The following ANXA10 variants were observed in gnomAD, a reference collection of about 807,000 sequenced individuals.
The protein encoded by ANXA10 is annexin 14.
ANXA10 carries 49 observed loss-of-function variants against 53.5 expected under a neutral mutation model. The ratio of observed to expected loss-of-function variants is 0.92; its 90% confidence interval spans 0.73 to 1.16. ANXA10 has a LOEUF of 1.16. Ranked by LOEUF, ANXA10 falls within the 50% of genes most tolerant of loss-of-function variation. ANXA10 has a pLI of 0.00. For missense variants in ANXA10, 393 were observed against 394.4 expected, an observed-to-expected ratio of 1.00 and a Z score of 0.03; for synonymous variants, 131 against 128.9, an observed-to-expected ratio of 1.02 and a Z score of -0.11.
At chr4:168,179,727 C>T (rs1732204033) in intron 9 of ANXA10, among the ~76,000 whole-genome samples, 1 of 152,132 alleles carries the variant, frequency 6.6e-6, no homozygotes, top group African/African-American at 2.4e-5. Context: ...GTGACCATTA[C>T]TAATAAATTT....
intron 3 of ANXA10, among the ~76,000 whole-genome samples, chr4:168,153,213 A>G (rs1393111586): frequency 6.6e-6 from 1 of 152,074 alleles, no homozygotes; most frequent in Non-Finnish European, 1.5e-5. Flanking sequence ...GTAACAGTTC[A>G]TCAGTTTCTA....
At chr4:168,107,606 G>T (rs1730738310) in intron 1 of ANXA10, among the ~76,000 whole-genome samples, 1 of 152,074 alleles carries the variant, frequency 6.6e-6, no homozygotes, top group South Asian at 2.1e-4. Flanking sequence ...AGACTGGGTG[G>T]CTGAAATAAC....
chr4:168,119,990 T>G (rs539708072), intron 1 of ANXA10, among the ~76,000 whole-genome samples: 1 of 152,200 alleles, frequency 6.6e-6, no homozygotes, highest in Admixed American at 6.5e-5. Flanking sequence ...CTTTTTTCAT[T>G]TACAAAACGG....
At chr4:168,145,368 T>C (rs1731390314) in intron 3 of ANXA10, among the ~76,000 whole-genome samples, 2 of 152,374 alleles carry the variant, frequency 1.3e-5, no homozygotes, top group South Asian at 2.1e-4. Context: ...GTAGCTAATT[T>C]GTTAGTCTTG....
intron 1 of ANXA10, among the ~76,000 whole-genome samples, chr4:168,097,870 C>T (rs1464134044): frequency 6.6e-6 from 1 of 152,026 alleles, no homozygotes; most frequent in African/African-American, 2.4e-5. Context: ...AGAAAGCCAT[C>T]TTGGTTTGAA....
intron 1 of ANXA10, among the ~76,000 whole-genome samples, chr4:168,123,934 G>A (rs1430989616): frequency 6.6e-6 from 1 of 151,982 alleles, no homozygotes; most frequent in African/African-American, 2.4e-5. Flanking sequence ...TTATTTCCTG[G>A]AGATCCAAAT....
At chr4:168,179,614 G>A (rs945453006) in intron 9 of ANXA10, among the ~76,000 whole-genome samples, 8 of 152,062 alleles carry the variant, frequency 5.3e-5, no homozygotes, top group African/African-American at 1.2e-4. Flanking sequence ...TTCTCACACT[G>A]TTCAATCCAT....
At chr4:168,135,019 A>G (rs766857825) in intron 2 of ANXA10, among the ~76,000 whole-genome samples, 10 of 152,204 alleles carry the variant, frequency 6.6e-5, no homozygotes, top group Non-Finnish European at 1.2e-4. Context: ...TCTCCATTAT[A>G]TATCTTCCCT....
intron 3 of ANXA10, among the ~76,000 whole-genome samples, chr4:168,160,940 A>G (rs752649557): frequency 2.0e-5 from 3 of 152,056 alleles, no homozygotes; most frequent in Non-Finnish European, 4.4e-5. Flanking sequence ...AGTTCTTCTT[A>G]GACTCACTCT....
chr4:168,130,336 A>G (rs1005262758), intron 2 of ANXA10, among the ~76,000 whole-genome samples: 1 of 152,128 alleles, frequency 6.6e-6, no homozygotes, highest in Non-Finnish European at 1.5e-5. Context: ...ATCATGAAAT[A>G]TAATGCCTTG....
chr4:168,094,059 T>C (rs754087956), intron 1 of ANXA10, among the ~76,000 whole-genome samples: 1 of 152,178 alleles, frequency 6.6e-6, no homozygotes, highest in Non-Finnish European at 1.5e-5. Flanking sequence ...TCTGTTCATT[T>C]GAGTATAGTT....
chr4:168,144,405 TCA>T (rs1219915609), intron 3 of ANXA10, among the ~76,000 whole-genome samples: 1 of 152,180 alleles, frequency 6.6e-6, no homozygotes, highest in Non-Finnish European at 1.5e-5. Context: ...CAGGCTGGTC[TCA>T]CACTCCTGAC....
intron 10 of ANXA10, among the ~76,000 whole-genome samples, chr4:168,183,499 C>T (rs1229085086): frequency 6.6e-6 from 1 of 152,198 alleles, no homozygotes; most frequent in Non-Finnish European, 1.5e-5. Context: ...AAAATAACTA[C>T]AATTACCTTG....
intron 10 of ANXA10, among the ~76,000 whole-genome samples, chr4:168,183,602 T>C (rs1468128286): frequency 6.6e-6 from 1 of 152,342 alleles, no homozygotes; most frequent in East Asian, 1.9e-4. Flanking sequence ...AATAGGAAGA[T>C]ATGCGTATTC....
chr4:168,143,939 C>A (rs1731366773), intron 3 of ANXA10, among the ~76,000 whole-genome samples: 1 of 152,178 alleles, frequency 6.6e-6, no homozygotes, highest in African/African-American at 2.4e-5. Flanking sequence ...TGCCAAATCC[C>A]TCACATCTTT....
chr4:168,114,919 A>T (rs1161603467), intron 1 of ANXA10, among the ~76,000 whole-genome samples: 1 of 151,690 alleles, frequency 6.6e-6, no homozygotes, highest in East Asian at 1.9e-4. Context: ...ACAGGGTCTT[A>T]CTTTGTAGAC....
chr4:168,155,576 T>C (rs1275078390), intron 3 of ANXA10, among the ~76,000 whole-genome samples: 2 of 68,372 alleles, frequency 2.9e-5, no homozygotes, highest in Admixed American at 2.6e-4. Context: ...TATATAATTA[T>C]ATATTATAAA....
chr4:168,164,919 G>A (rs2149477677), intron 5 of ANXA10, among the ~76,000 whole-genome samples: 1 of 152,258 alleles, frequency 6.6e-6, no homozygotes, highest in Middle Eastern at 3.4e-3. Context: ...AAAATGAGAT[G>A]AAGCACTTAG....
chr4:168,121,092 T>G (rs1171229704), intron 1 of ANXA10, among the ~76,000 whole-genome samples: 1 of 152,106 alleles, frequency 6.6e-6, no homozygotes, highest in Non-Finnish European at 1.5e-5. Flanking sequence ...CCTAATCATG[T>G]TTTCATTTGA....
Sources: allele counts gnomAD v4.1 joint callset (sites outside exome capture counted in the v4.1 genomes callset), GRCh38; gene constraint gnomAD v4.1.1; transcripts MANE v1.5; gene names NCBI Gene and HGNC (gene_info 2026-07-23, HGNC 2026-07-21).